ATP8B1: variants seen among roughly 807,000 people sequenced by gnomAD.
ATP8B1 encodes the protein phospholipid-transporting ATPase IC.
In ATP8B1, 80 loss-of-function variants were observed where a neutral mutation model predicts 149.9. That is an observed-to-expected ratio of 0.53 (90% confidence interval 0.45 to 0.64). The LOEUF (loss-of-function observed/expected upper bound fraction) is 0.64, where lower values mean the gene tolerates loss of function less well. ATP8B1 is among the 30% of genes least tolerant of loss of function. The probability of loss-of-function intolerance (pLI) is 0.00; values close to 1 mark genes in which losing one functional copy is unlikely to be tolerated. For missense variants in ATP8B1, 1,247 were observed against 1,552.6 expected (o/e 0.80, Z 3.31); for synonymous variants, 536 against 562.8 (o/e 0.95, Z 0.67).
Position 57,701,119 on chromosome 18 carries a change from G to A in ATP8B1, c.493-19C>T. Reference sequence around the variant, plus strand: ...GGCGAGCCTTGAGAAGGAAGATGGGGAAATGCTGTTTTAAACATCTCAATA... The same window carrying A: ...GGCGAGCCTTGAGAAGGAAGATGGGAAAATGCTGTTTTAAACATCTCAATA... On this transcript the variant is annotated intron_variant, in intron 5 of 27. Transcript: ENST00000648908. The A allele has an allele frequency of 6.2e-7, 1 of 1,613,856 alleles. No individual in the cohort carries two copies. Among genetic ancestry groups the A allele is most frequent in the Non-Finnish European group, 8.5e-7 (1 of 1,179,742 alleles).
At chr18:57,719,671 C>T (rs909927492) in intron 2 of ATP8B1, among the ~76,000 whole-genome samples, 1 of 152,192 alleles carries the variant, frequency 6.6e-6, no homozygotes, top group African/African-American at 2.4e-5. Context: ...AAGGCGGCAG[C>T]GAGGCTGGGG....
At chr18:57,792,655 G>A (rs1341456016) in intron 1 of ATP8B1, among the ~76,000 whole-genome samples, 2 of 152,126 alleles carry the variant, frequency 1.3e-5, no homozygotes, top group Non-Finnish European at 2.9e-5. Flanking sequence ...TGATGAAAAG[G>A]TTCTGACGTA....
chr18:57,796,123 G>T (rs573435702), intron 1 of ATP8B1, among the ~76,000 whole-genome samples: 1 of 152,038 alleles, frequency 6.6e-6, no homozygotes, highest in Non-Finnish European at 1.5e-5. Context: ...AGCTGAGATC[G>T]CACCACTGCA....
intron 1 of ATP8B1, among the ~76,000 whole-genome samples, chr18:57,780,419 T>C (rs997265452): frequency 2.6e-5 from 4 of 152,230 alleles, no homozygotes; most frequent in African/African-American, 9.6e-5. Context: ...CATCCTGTTG[T>C]ATGTTTACAT....
At chr18:57,726,698 C>G (rs2079712190) in intron 2 of ATP8B1, among the ~76,000 whole-genome samples, 1 of 152,162 alleles carries the variant, frequency 6.6e-6, no homozygotes, top group African/African-American at 2.4e-5. Context: ...TTTCCATGAG[C>G]AAGAGATTCT....
Position 57,699,596 on chromosome 18 carries a change from C to T in ATP8B1, c.554+1443G>A, listed in dbSNP as rs868347328. Among the ~76,000 whole-genome samples, 180 of 151,906 alleles carry T rather than the reference C, an allele frequency of 1.2e-3. 1 individual carries two copies. Among genetic ancestry groups the T allele is most frequent in the African/African-American group, 4.0e-3 (165 of 41,498 alleles). ...AAAATTAGCCAGGTGCAGTGGCGGG[C>T]GCCTGTAGTCCCAGCTACTCGGGAA... On this transcript the variant is annotated intron_variant, in intron 6 of 27. Transcript: ENST00000648908.
chr18:57,728,239 G>C (rs568321557), intron 2 of ATP8B1, among the ~76,000 whole-genome samples: 2 of 150,938 alleles, frequency 1.3e-5, no homozygotes, highest in South Asian at 4.2e-4. Context: ...GCTAGAATGG[G>C]TGCTGGTCCC....
At chr18:57,650,842 T>TA (rs956113380) in intron 26 of ATP8B1, among the ~76,000 whole-genome samples, 1 of 151,680 alleles carries the variant, frequency 6.6e-6, no homozygotes, top group Middle Eastern at 3.4e-3. Context: ...GTCTCAAAAA[T>TA]AAAAAATAAA....
chr18:57,653,744 T>C (rs1310325887), intron 24 of ATP8B1, among the ~76,000 whole-genome samples: 1 of 148,766 alleles, frequency 6.7e-6, no homozygotes, highest in Non-Finnish European at 1.5e-5. Flanking sequence ...CAGGCTAGAC[T>C]TGAACACCTG....
chr18:57,768,521 G>A (rs548415287), intron 1 of ATP8B1, among the ~76,000 whole-genome samples: 9 of 139,660 alleles, frequency 6.4e-5, no homozygotes, highest in Middle Eastern at 4.3e-3. Flanking sequence ...CCAGTCAAGG[G>A]AATTGAGGGA....
In ATP8B1 at chr18:57,669,436, T is replaced by A. The variant is rs374801440; in HGVS notation, c.1979A>T (p.Glu660Val). 10 of 1,613,580 alleles carry A rather than the reference T, an allele frequency of 6.2e-6. No homozygotes were observed. Among genetic ancestry groups the A allele is most frequent in the Non-Finnish European group, 8.5e-6 (10 of 1,179,684 alleles). Residue 660 changes from glutamate (E) to valine (V), a missense_variant, in exon 18 of 28, where the codon GAA becomes GTA. Physicochemically the swap from Glu to Val is moderately radical, Grantham distance 121 (BLOSUM62 -2). Around this residue, in one of 3 missense-constraint regions of ATP8B1, gnomAD observed 853 missense variants for 1,035.7 expected, o/e 0.82. Transcript: ENST00000648908. Reference protein sequence around the residue: ...TLRTLCLCYKEIEEKEFTEWN... With the variant: ...TLRTLCLCYKVIEEKEFTEWN... Reference sequence around the variant, plus strand: ...TTCTGTAAATTCTTTTTCTTCAATTTCCTTGTAGCAAAGGCATAGGGTTCT... The same window carrying A: ...TTCTGTAAATTCTTTTTCTTCAATTACCTTGTAGCAAAGGCATAGGGTTCT...
intron 1 of ATP8B1, among the ~76,000 whole-genome samples, chr18:57,783,254 G>A (rs1284250704): frequency 6.6e-6 from 1 of 152,122 alleles, no homozygotes. Flanking sequence ...AGATTACAGG[G>A]GAAAGAGGGC....
intron 11 of ATP8B1, among the ~76,000 whole-genome samples, chr18:57,694,205 G>C (rs1912686860): frequency 6.6e-6 from 1 of 152,088 alleles, no homozygotes; most frequent in South Asian, 2.1e-4. Flanking sequence ...GGGGAGGCTT[G>C]CTTCTAAGAG....
intron 1 of ATP8B1, among the ~76,000 whole-genome samples, chr18:57,738,426 C>T (rs1287139671): frequency 1.3e-5 from 2 of 152,146 alleles, no homozygotes; most frequent in Non-Finnish European, 2.9e-5. Flanking sequence ...GAGTTCAAGA[C>T]CAGCCTGCCA....
rs1910524240 is a variant in ATP8B1 at position 57,662,473 on chromosome 18, T to C, written c.2418+10A>G. On this transcript the variant is annotated intron_variant, in intron 21 of 27. Coordinates refer to ENST00000648908, the MANE Select transcript of ATP8B1 (RefSeq NM_001374385.1). ...TGAGTTAAAGGCACAGATACACTAA[T>C]GATACGTACCAACCAAGAACCAGTG... 13 of 1,614,084 alleles carry C rather than the reference T, an allele frequency of 8.1e-6. No homozygotes were observed. Among genetic ancestry groups the C allele is most frequent in the Non-Finnish European group, 1.1e-5 (13 of 1,179,952 alleles).
At chr18:57,782,803 C>CTTTTTTTTTTTTTTTTTTTT (rs79009229) in intron 1 of ATP8B1, among the ~76,000 whole-genome samples, 5 of 91,178 alleles carry the variant, frequency 5.5e-5, no homozygotes, top group African/African-American at 2.0e-4. Context: ...TAGTTTGTCT[C>CTTTTTTTTTTTTTTTTTTTT]TTTTTTTTTT....
In ATP8B1 at chr18:57,674,985, AC is replaced by A. The variant is rs767674553; in HGVS notation, c.1667del (p.Gly556ValfsTer4). ...AGTTCCTGGCAGCGTTTACCAGGGC[AC>A]CTTCATCGGGAGAGGCTGCCTGGTA... ...LNYQAASPDE[G>X]ALVNAARNFG... On this transcript the variant is annotated frameshift_variant, in exon 16 of 28. Coordinates refer to ENST00000648908, the MANE Select transcript of ATP8B1 (RefSeq NM_001374385.1). LOFTEE classifies it high-confidence loss of function. 2 of 1,614,218 alleles carry A rather than the reference AC, an allele frequency of 1.2e-6. No homozygotes were observed. The highest frequency in any genetic ancestry group is 1.7e-6 in the Non-Finnish European group (2 of 1,180,040).
chr18:57,701,147 G>A (rs1283656785), intron 5 of ATP8B1, 47 bp from the exon 6 acceptor site: 1 of 1,612,068 alleles, frequency 6.2e-7, no homozygotes, highest in Non-Finnish European at 8.5e-7. Context: ...TCTCAATAGA[G>A]AAGGAAGGCA....
At chr18:57,652,346 TAA>T in intron 25 of ATP8B1, 136 bp downstream of exon 25, 1 of 1,466,844 alleles carries the variant, frequency 6.8e-7, no homozygotes, top group Non-Finnish European at 9.4e-7. Context: ...GTGCTTGGTA[TAA>T]GAGATGAAAA....
Sources: gnomAD v4.1 joint callset for allele counts (sites outside exome capture counted in the v4.1 genomes callset) on GRCh38, gnomAD v4.1.1 for gene constraint, gnomAD v4.1.1 regional missense constraint, MANE v1.5 for transcripts, NCBI Gene and HGNC (gene_info 2026-07-23, HGNC 2026-07-21) for gene names.